Variants in MGAM observed in about 807,000 individuals in gnomAD.
MGAM encodes alpha-1,4-glucosidase.
MGAM carries 253 observed loss-of-function variants against 358.8 expected under a neutral mutation model. That is an observed-to-expected ratio of 0.71 (90% CI 0.64 to 0.78). The LOEUF (loss-of-function observed/expected upper bound fraction) is 0.78. Ranked by LOEUF, MGAM falls within the 30% of genes least tolerant of loss-of-function variation. The pLI, the probability that MGAM is intolerant of heterozygous loss-of-function variation, is 0.00. For missense variants in MGAM, 3,080 were observed against 3,432.6 expected, an observed-to-expected ratio of 0.90 and a Z score of 2.57; for synonymous variants, 1,105 against 1,227.1, an observed-to-expected ratio of 0.90 and a Z score of 2.08.
At chr7:142,030,222 CAG>C in intron 10 of MGAM, 138 bp from the exon 11 acceptor site, 1 of 903,512 alleles carries the variant, frequency 1.1e-6, no homozygotes, top group South Asian at 1.8e-5. Flanking sequence ...AAGAAGTACT[CAG>C]ATGCCAGGAA....
At chr7:142,055,010 C>T (rs559666129) in intron 27 of MGAM, 102 bp downstream of exon 27, 1 of 1,243,932 alleles carries the variant, frequency 8.0e-7, no homozygotes, top group South Asian at 1.5e-5. Context: ...TCACATTGTC[C>T]ACTTCCAGAT....
At position 142,070,788 on chromosome 7, in the gene MGAM, G is replaced by T. The variant is rs545873203; in HGVS notation, c.5062-206G>T. ...TGTAGTTTGTATGGTGGAAGCAAAG[G>T]TAAGAGACCCTAACAAGATATTATA... is the stretch of plus-strand genomic sequence containing the variant. On this transcript the variant is annotated intron_variant, in intron 43 of 70. Transcript: ENST00000475668. 4.3e-4 allele frequency among the ~76,000 whole-genome samples: 63 copies of T among 146,332 alleles called. 5 individuals carry two copies. In the South Asian group the frequency reaches 0.013, roughly 29 times the overall value.
intron 1 of MGAM, among the ~76,000 whole-genome samples, chr7:142,000,760 G>C (rs1804669297): frequency 6.6e-6 from 1 of 152,074 alleles, no homozygotes; most frequent in Non-Finnish European, 1.5e-5. Flanking sequence ...GTATTTAAGG[G>C]ATGAATTTCT....
chr7:142,063,071 GC>G (rs1405280068), intron 35 of MGAM, among the ~76,000 whole-genome samples: 3 of 152,172 alleles, frequency 2.0e-5, no homozygotes, highest in African/African-American at 7.2e-5. Flanking sequence ...GGTGGCACAT[GC>G]CTATAATCCC....
At position 142,027,672 on chromosome 7, in the gene MGAM, A is replaced by G; in HGVS notation, c.1158A>G (p.Glu386=). The change falls in exon 10 of 71, where the codon GAA becomes GAG. Residue 386 remains glutamate, a synonymous_variant. Transcript: ENST00000475668. ...WALGFHLSRY[E]YGTLDNMREV... ...TTGGATTTCACCTCAGTCGTTACGA[A>G]TATGGAACCTTAGACAACATGAGGG... is the stretch of plus-strand genomic sequence containing the variant. 2 of 1,613,756 alleles carry G rather than the reference A, an allele frequency of 1.2e-6. No individual in the cohort carries two copies. The highest frequency in any genetic ancestry group is 1.1e-5 in the South Asian group (1 of 91,070).
intron 30 of MGAM, 128 bp from the exon 31 acceptor site, chr7:142,058,075 G>A: frequency 6.9e-7 from 1 of 1,449,418 alleles, no homozygotes; most frequent in Middle Eastern, 2.5e-4. Flanking sequence ...TATCCTGTCA[G>A]TTTTGGTCTG....
chr7:142,099,786 A>G, intron 67 of MGAM, 49 bp downstream of exon 67: 1 of 1,599,852 alleles, frequency 6.3e-7, no homozygotes, highest in Non-Finnish European at 8.5e-7. Flanking sequence ...TAGCTCAACA[A>G]TTTGTAATGA....
At chr7:142,015,842 C>T (rs1050322765) in intron 3 of MGAM, among the ~76,000 whole-genome samples, 1 of 151,758 alleles carries the variant, frequency 6.6e-6, no homozygotes, top group African/African-American at 2.4e-5. Context: ...GCTTTTCATT[C>T]CAAGTTTGCT....
chr7:142,057,299 G>A (rs542614789), intron 30 of MGAM, among the ~76,000 whole-genome samples: 4 of 151,448 alleles, frequency 2.6e-5, no homozygotes, highest in African/African-American at 7.3e-5. Flanking sequence ...GTTGGTGATG[G>A]TGATGATAGT....
intron 17 of MGAM, among the ~76,000 whole-genome samples, 176 bp downstream of exon 17, chr7:142,036,461 C>T (rs941549340): frequency 7.9e-5 from 12 of 152,306 alleles, no homozygotes; most frequent in South Asian, 4.1e-4. Context: ...AAATGCCCAA[C>T]GGCCTCAGCC....
intron 21 of MGAM, among the ~76,000 whole-genome samples, chr7:142,043,519 C>A (rs1220952575): frequency 3.1e-5 from 3 of 96,480 alleles, no homozygotes; most frequent in Non-Finnish European, 5.6e-5. Context: ...CATATAATAT[C>A]TAAATATAAT....
chr7:142,031,369 T>C (rs147560582), intron 12 of MGAM, among the ~76,000 whole-genome samples: 210 of 152,312 alleles, frequency 1.4e-3, no homozygotes, highest in African/African-American at 4.9e-3. Context: ...CACAATGCTC[T>C]TCCCCCATTT....
chr7:142,063,415 A>G (rs1812418547), intron 35 of MGAM, 84 bp from the exon 36 acceptor site: 4 of 1,508,296 alleles, frequency 2.7e-6, no homozygotes, highest in South Asian at 1.2e-5. Context: ...ATGTTGAACA[A>G]TTTATTCACT....
chr7:142,047,046 C>G lies in MGAM; in HGVS notation c.2499-739C>G, dbSNP rs540514742. 3.3e-5 allele frequency among the ~76,000 whole-genome samples: 5 copies of G among 152,162 alleles called. No homozygotes were observed. In the South Asian group the frequency reaches 1.0e-3, roughly 32 times the overall value. On this transcript the variant is annotated intron_variant, in intron 21 of 70. Transcript: ENST00000475668. ...CTTTCTTGCATAGTGAAAGGCTGAA[C>G]TGTGAAAGAATACAATGGAGAATAT...
At chr7:142,034,026 C>T (rs1251910595) in intron 14 of MGAM, among the ~76,000 whole-genome samples, 3 of 152,204 alleles carry the variant, frequency 2.0e-5, no homozygotes, top group African/African-American at 7.2e-5. Flanking sequence ...CAAGTGTCTG[C>T]CTCTAATCAC....
chr7:142,063,285 AAG>A (rs950157400), intron 35 of MGAM, among the ~76,000 whole-genome samples: 22 of 151,874 alleles, frequency 1.4e-4, no homozygotes, highest in African/African-American at 5.3e-4. Flanking sequence ...GCCACCCTGA[AAG>A]AGATCTATTT....
At chr7:142,040,911 T>A in intron 21 of MGAM, 65 bp downstream of exon 21, 1 of 1,525,144 alleles carries the variant, frequency 6.6e-7, no homozygotes. Context: ...GAATTTCTTT[T>A]CGAAACACAC....
chr7:142,093,005 T>C (rs112962559), intron 59 of MGAM, among the ~76,000 whole-genome samples: 4,469 of 146,510 alleles, frequency 0.031, 351 homozygotes, highest in African/African-American at 0.1. Context: ...CATATCTTGG[T>C]TCCAGAAATT....
At chr7:142,024,721 T>G (rs1366320310) in intron 7 of MGAM, among the ~76,000 whole-genome samples, 2 of 152,174 alleles carry the variant, frequency 1.3e-5, no homozygotes, top group African/African-American at 4.8e-5. Flanking sequence ...GCTGATGAGG[T>G]TAAGTCAGGT....
Sources: gnomAD v4.1 joint callset for allele counts (sites outside exome capture counted in the v4.1 genomes callset) on GRCh38, gnomAD v4.1.1 for gene constraint, MANE v1.5 for transcripts, NCBI Gene and HGNC (gene_info 2026-07-23, HGNC 2026-07-21) for gene names.